Variants in CELF2 observed in about 807,000 individuals in gnomAD.
The protein encoded by CELF2 is CUGBP Elav-like family member 2, also known as CUG triplet repeat RNA-binding protein 2.
In CELF2, 8 loss-of-function variants were observed where a neutral mutation model predicts 62.6. The ratio of observed to expected loss-of-function variants is 0.13; its 90% CI spans 0.07 to 0.23. CELF2 has a LOEUF of 0.23. CELF2 is among the 10% of genes least tolerant of loss of function. The probability of loss-of-function intolerance (pLI) is 1.00; values close to 1 mark genes in which losing one functional copy is unlikely to be tolerated. For synonymous variants in CELF2, 258 were observed against 250.0 expected (o/e 1.03, Z -0.30); for missense variants, 333 against 671.0 (o/e 0.50, Z 5.56).
At chr10:11,091,224 AG>A (rs2141955102) in intron 1 of CELF2, among the ~76,000 whole-genome samples, 1 of 152,314 alleles carries the variant, frequency 6.6e-6, no homozygotes, top group African/African-American at 2.4e-5. Context: ...CACCAAATTC[AG>A]GTTCCATCAT....
the CELF2 span, among the ~76,000 whole-genome samples, chr10:10,513,294 C>CA: frequency 1.3e-5 from 2 of 152,132 alleles, no homozygotes; most frequent in African/African-American, 4.8e-5. Flanking sequence ...GCAGCTGTCA[C>CA]AACCACATCA....
At chr10:10,765,687 G>C in the CELF2 span, among the ~76,000 whole-genome samples, 1 of 152,168 alleles carries the variant, frequency 6.6e-6, no homozygotes, top group African/African-American at 2.4e-5. Context: ...GGTCATGCTG[G>C]ATGCTGATCC....
intron 3 of CELF2, among the ~76,000 whole-genome samples, chr10:11,234,419 ACG>A (rs2070223741): frequency 6.6e-6 from 1 of 152,218 alleles, no homozygotes; most frequent in South Asian, 2.1e-4. Context: ...GCGGTGGCTC[ACG>A]CCTATAATCC....
upstream of CELF2, among the ~76,000 whole-genome samples, chr10:11,004,086 A>G (rs1261601618): frequency 6.6e-6 from 1 of 152,172 alleles, no homozygotes; most frequent in Non-Finnish European, 1.5e-5. This position sits in a 1 kb window ranked among gnomAD's most constrained non-coding sequence, Gnocchi z 5.0. Flanking sequence ...ATCAAGACCA[A>G]GTTCAGAGGT....
At chr10:10,542,262 G>A in the CELF2 span, among the ~76,000 whole-genome samples, 1 of 152,156 alleles carries the variant, frequency 6.6e-6, no homozygotes, top group Non-Finnish European at 1.5e-5. Context: ...ATAGAGGGTT[G>A]AGTAACTCAC....
chr10:10,849,320 G>C (rs547773833), intron 1 of CELF2, among the ~76,000 whole-genome samples: 4 of 151,824 alleles, frequency 2.6e-5, no homozygotes, highest in Non-Finnish European at 4.4e-5. Flanking sequence ...TGAGGCAGAA[G>C]AATCACGAAC....
intron 2 of CELF2, among the ~76,000 whole-genome samples, chr10:10,926,641 C>A (rs1223004254): frequency 6.6e-6 from 1 of 152,208 alleles, no homozygotes; most frequent in East Asian, 1.9e-4. Flanking sequence ...CCATCTTCTT[C>A]CATGGGACTG....
At chr10:10,635,735 T>C in the CELF2 span, among the ~76,000 whole-genome samples, 1 of 152,208 alleles carries the variant, frequency 6.6e-6, no homozygotes, top group African/African-American at 2.4e-5. Flanking sequence ...TTTAAAATAA[T>C]GGCTGTGAGG....
chr10:10,710,207 G>A, the CELF2 span, among the ~76,000 whole-genome samples: 2 of 152,170 alleles, frequency 1.3e-5, no homozygotes, highest in African/African-American at 2.4e-5. Context: ...AGAGCATGGG[G>A]CACACTGATA....
chr10:11,314,515 G>GT lies in CELF2; in HGVS notation c.1096+257_1096+258insT, dbSNP rs1484643560. 1.9e-6 allele frequency: 1 copy of GT among 521,032 alleles called. No individual in the cohort carries two copies. The highest frequency in any genetic ancestry group is 1.9e-5 in the African/African-American group (1 of 52,116). The allele number at this position is 521,032 out of a possible 1,614,324, so 32.3% of individuals were successfully genotyped here. On this transcript the variant is annotated intron_variant, in intron 10 of 12. Coordinates refer to ENST00000633077, the MANE Select transcript of CELF2 (RefSeq NM_001326342.2). The surrounding 1 kb of genome is among the most constrained non-coding windows in gnomAD (Gnocchi z 5.3). ...GTGTGCTCATCCATGGGGTTCTGTG[G>GT]CTGGCAGCTCTTTTCAGGTTTCCAG...
chr10:10,745,185 C>T, the CELF2 span, among the ~76,000 whole-genome samples: 8 of 151,550 alleles, frequency 5.3e-5, no homozygotes, highest in Admixed American at 5.3e-4. Flanking sequence ...AGGCCTGTTT[C>T]ATGGACATGG....
At chr10:10,525,291 A>G in the CELF2 span, among the ~76,000 whole-genome samples, 1 of 152,174 alleles carries the variant, frequency 6.6e-6, no homozygotes, top group Non-Finnish European at 1.5e-5. Flanking sequence ...CCCACGACCC[A>G]CAGAAAGCCC....
At chr10:10,966,905 C>G (rs969440982) in intron 2 of CELF2, among the ~76,000 whole-genome samples, 1 of 152,174 alleles carries the variant, frequency 6.6e-6, no homozygotes, top group Non-Finnish European at 1.5e-5. Context: ...AGCCACTTGA[C>G]TGGAATAGTT....
At chr10:10,516,777 C>A in the CELF2 span, among the ~76,000 whole-genome samples, 3 of 150,890 alleles carry the variant, frequency 2.0e-5, no homozygotes, top group African/African-American at 7.3e-5. Context: ...AGTTTGAGTT[C>A]TCTCCCCACC....
chr10:11,069,471 C>T (rs1188279496), intron 1 of CELF2, among the ~76,000 whole-genome samples: 1 of 145,626 alleles, frequency 6.9e-6, no homozygotes, highest in East Asian at 3.3e-4. Flanking sequence ...AAAGGAAATA[C>T]GGTATTCATA....
the CELF2 span, among the ~76,000 whole-genome samples, chr10:10,721,722 C>T: frequency 6.6e-6 from 1 of 152,208 alleles, no homozygotes; most frequent in Admixed American, 6.5e-5. Context: ...CCATACGTGG[C>T]TTCTCTTCAG....
At chr10:10,889,237 G>T (rs1056097629) in intron 1 of CELF2, among the ~76,000 whole-genome samples, 1 of 152,174 alleles carries the variant, frequency 6.6e-6, no homozygotes. Context: ...CTTTCTTGTT[G>T]TTTTCACCTC....
In CELF2 at chr10:11,117,749, C is replaced by T. The variant is rs929521631; in HGVS notation, c.75-47737C>T. On this transcript the variant is annotated intron_variant, in intron 1 of 12. Coordinates refer to ENST00000633077, the MANE Select transcript of CELF2 (RefSeq NM_001326342.2). The surrounding 1 kb of genome is among the most constrained non-coding windows in gnomAD (Gnocchi z 4.1). The stretch of plus-strand genomic sequence containing the variant: ...CCAGAGAGGGTACCCTTGAGTGGCT[C>T]TTCCACTGACCCCGGAACTTCCAAA... Among the ~76,000 whole-genome samples, 2 of 152,170 alleles carry T rather than the reference C, an allele frequency of 1.3e-5. No individual in the cohort carries two copies. The highest frequency in any genetic ancestry group is 2.9e-5 in the Non-Finnish European group (2 of 68,028).
At chr10:10,978,434 G>A (rs181024629) in intron 2 of CELF2, among the ~76,000 whole-genome samples, 12 of 152,206 alleles carry the variant, frequency 7.9e-5, no homozygotes, top group African/African-American at 1.9e-4. Flanking sequence ...TTTTATTGAC[G>A]TCTTTGATTG....
Sources: allele counts gnomAD v4.1 joint callset (sites outside exome capture counted in the v4.1 genomes callset), GRCh38; gene constraint gnomAD v4.1.1; non-coding constraint Gnocchi (gnomAD v3.1); transcripts MANE v1.5; gene names NCBI Gene and HGNC (gene_info 2026-07-23, HGNC 2026-07-21).